DPYD: variants seen among roughly 807,000 people sequenced by gnomAD.
DPYD encodes the protein dihydropyrimidine dehydrogenase [NADP(+)].
A neutral mutation model predicts 116.2 loss-of-function variants in DPYD; 109 were observed. The observed-to-expected ratio is 0.94, with a 90% CI of 0.80 to 1.10. DPYD has a LOEUF of 1.10. DPYD is among the 50% of genes least tolerant of loss of function. The pLI, the probability that DPYD is intolerant of heterozygous loss-of-function variation, is 0.00. For missense variants in DPYD, 1,302 were observed against 1,254.5 expected, an observed-to-expected ratio of 1.04 and a Z score of -0.57; for synonymous variants, 440 against 432.0, an observed-to-expected ratio of 1.02 and a Z score of -0.23.
At chr1:97,911,714 G>A (rs1673945694) in intron 1 of DPYD, among the ~76,000 whole-genome samples, 1 of 152,100 alleles carries the variant, frequency 6.6e-6, no homozygotes, top group Non-Finnish European at 1.5e-5. Context: ...TGCCAGAGTG[G>A]TTTGTTCTTG....
intron 3 of DPYD, among the ~76,000 whole-genome samples, chr1:97,775,277 C>T (rs1666336957): frequency 6.6e-6 from 1 of 152,104 alleles, no homozygotes; most frequent in Admixed American, 6.5e-5. Flanking sequence ...CTACGTGAAA[C>T]TGTTAGCCCA....
intron 3 of DPYD, among the ~76,000 whole-genome samples, chr1:97,811,157 T>A (rs1423969804): frequency 6.6e-6 from 1 of 152,146 alleles, no homozygotes; most frequent in African/African-American, 2.4e-5. Context: ...AAGACTCCCC[T>A]GTCAAATCTT....
chr1:97,168,598 C>T lies in DPYD; in HGVS notation c.2622+24471G>A, dbSNP rs555951263. On this transcript the variant is annotated intron_variant, in intron 20 of 22. Transcript: ENST00000370192. ...GTTATTCTCATTGAATTTTCATTCT[C>T]CCTATCCCTATTCACATACATTGCT... 9.2e-5 allele frequency among the ~76,000 whole-genome samples: 14 copies of T among 152,248 alleles called. No individual in the cohort carries two copies. The South Asian group carries it at 2.9e-3, about 32-fold the overall frequency.
At chr1:97,537,712 A>C (rs2786521) in intron 12 of DPYD, among the ~76,000 whole-genome samples, 59,873 of 152,044 alleles carry the variant, frequency 0.39, 12,443 homozygotes, top group African/African-American at 0.53. Flanking sequence ...CAAGAATGAA[A>C]AGGCTTCCCT....
At chr1:97,686,971 T>G (rs752856413) in intron 7 of DPYD, among the ~76,000 whole-genome samples, 1 of 151,560 alleles carries the variant, frequency 6.6e-6, no homozygotes, top group East Asian at 2.0e-4. Flanking sequence ...CCAACCCCAT[T>G]AAAAAGTGGA....
chr1:97,804,175 G>A (rs1018735599), intron 3 of DPYD, among the ~76,000 whole-genome samples: 1 of 151,430 alleles, frequency 6.6e-6, no homozygotes, highest in Non-Finnish European at 1.5e-5. Context: ...ATATCTCTGA[G>A]GGAAAAACAA....
At chr1:97,825,945 C>T (rs1478761271) in intron 3 of DPYD, among the ~76,000 whole-genome samples, 1 of 152,038 alleles carries the variant, frequency 6.6e-6, no homozygotes. Context: ...AGCACCTGAC[C>T]CACCATATAC....
chr1:97,281,502 G>A (rs1001984690), intron 18 of DPYD, among the ~76,000 whole-genome samples: 15 of 151,910 alleles, frequency 9.9e-5, no homozygotes, highest in Admixed American at 7.2e-4. Context: ...GAAGAAACTA[G>A]AATATTGGCT....
At chr1:97,358,511 C>T (rs1385578795) in intron 16 of DPYD, among the ~76,000 whole-genome samples, 1 of 152,192 alleles carries the variant, frequency 6.6e-6, no homozygotes, top group Non-Finnish European at 1.5e-5. Context: ...AAGTGGGCCC[C>T]TGATGCCCGT....
Position 97,676,022 on chromosome 1 carries a change from C to A in DPYD, c.850+3073G>T, listed in dbSNP as rs546653609. ...TCGGCCTCCCAAAGTGCTGGGATTA[C>A]AGGTGTGAGCCACCACGCCTGGCCT... is the stretch of plus-strand genomic sequence containing the variant. On this transcript the variant is annotated intron_variant, in intron 8 of 22. Transcript: ENST00000370192. Among the ~76,000 whole-genome samples, 4 of 152,240 alleles carry A rather than the reference C, an allele frequency of 2.6e-5. No homozygotes were observed. In the South Asian group the frequency reaches 8.3e-4, roughly 32 times the overall value.
At chr1:97,363,754 A>G (rs962648928) in intron 16 of DPYD, among the ~76,000 whole-genome samples, 1 of 152,182 alleles carries the variant, frequency 6.6e-6, no homozygotes, top group African/African-American at 2.4e-5. Flanking sequence ...TTTAACAATG[A>G]GAACACTTGG....
At chr1:97,262,352 C>T (rs561903349) in intron 18 of DPYD, among the ~76,000 whole-genome samples, 6 of 152,038 alleles carry the variant, frequency 3.9e-5, no homozygotes, top group South Asian at 2.1e-4. Flanking sequence ...GTTAGATGAG[C>T]GATTGCATGT....
intron 10 of DPYD, among the ~76,000 whole-genome samples, chr1:97,592,169 C>T (rs1441954489): frequency 6.6e-6 from 1 of 152,118 alleles, no homozygotes; most frequent in Non-Finnish European, 1.5e-5. Flanking sequence ...GTTCATAATA[C>T]TGATTTGATT....
At chr1:97,914,593 A>G (rs1302312009) in intron 1 of DPYD, among the ~76,000 whole-genome samples, 1 of 152,172 alleles carries the variant, frequency 6.6e-6, no homozygotes, top group Non-Finnish European at 1.5e-5. Flanking sequence ...GGATGGGGCT[A>G]GCCTGGATTT....
intron 4 of DPYD, among the ~76,000 whole-genome samples, chr1:97,731,211 C>T (rs746193601): frequency 4.6e-5 from 7 of 151,960 alleles, no homozygotes; most frequent in Middle Eastern, 3.4e-3. Context: ...TCTTTATTGA[C>T]GAGAATATGA....
chr1:97,456,717 T>G (rs1385584729), intron 13 of DPYD, among the ~76,000 whole-genome samples: 1 of 152,066 alleles, frequency 6.6e-6, no homozygotes, highest in Non-Finnish European at 1.5e-5. Context: ...TATAGGAATC[T>G]GTGACACCAG....
intron 2 of DPYD, among the ~76,000 whole-genome samples, chr1:97,849,838 A>G (rs1670487032): frequency 6.6e-6 from 1 of 152,212 alleles, no homozygotes; most frequent in Admixed American, 6.5e-5. Flanking sequence ...AATATTCCTC[A>G]GCAGTGTTTG....
intron 2 of DPYD, among the ~76,000 whole-genome samples, chr1:97,843,203 T>C (rs1006942123): frequency 3.3e-5 from 5 of 152,126 alleles, no homozygotes; most frequent in African/African-American, 1.2e-4. Flanking sequence ...GAGCTTAAAA[T>C]TGGAAAAGTT....
intron 18 of DPYD, among the ~76,000 whole-genome samples, chr1:97,274,346 C>T (rs1664786427): frequency 6.6e-6 from 1 of 152,086 alleles, no homozygotes; most frequent in Admixed American, 6.6e-5. Flanking sequence ...TATTATTTCA[C>T]ACCTGAGCCG....
Sources: allele counts gnomAD v4.1 joint callset (sites outside exome capture counted in the v4.1 genomes callset), GRCh38; gene constraint gnomAD v4.1.1; transcripts MANE v1.5; gene names NCBI Gene and HGNC (gene_info 2026-07-23, HGNC 2026-07-21).